The following RSPH14 variants were observed in gnomAD, a reference collection of about 807,000 sequenced individuals.
RSPH14 encodes rhabdoid tumor deletion region gene 1.
Under a neutral mutation model 26.7 loss-of-function variants are expected in RSPH14, and 20 were observed. That is an observed-to-expected ratio of 0.75 (90% confidence interval 0.53 to 1.09). The LOEUF (loss-of-function observed/expected upper bound fraction) is 1.09. Among genes scored for constraint, RSPH14 ranks in the 50% least tolerant of loss-of-function variants. The pLI, the probability that RSPH14 is intolerant of heterozygous loss-of-function variation, is 0.00. For missense variants in RSPH14, 449 were observed against 457.2 expected (o/e 0.98, Z 0.16); for synonymous variants, 177 against 189.3 (o/e 0.93, Z 0.53).
chr22:23,168,996 C>A, the RSPH14 span, among the ~76,000 whole-genome samples: 1 of 152,234 alleles, frequency 6.6e-6, no homozygotes, highest in Non-Finnish European at 1.5e-5. Flanking sequence ...ACGAGCTCAT[C>A]TTGTCCCAGC....
intron 4 of RSPH14, among the ~76,000 whole-genome samples, chr22:23,090,157 A>G (rs2068928267): frequency 6.6e-6 from 1 of 152,142 alleles, no homozygotes; most frequent in Non-Finnish European, 1.5e-5. Flanking sequence ...TAAGCACAGC[A>G]GGGTCCTGTA....
intron 4 of RSPH14, among the ~76,000 whole-genome samples, chr22:23,101,230 T>C (rs570471908): frequency 5.9e-5 from 9 of 151,324 alleles, no homozygotes; most frequent in Admixed American, 1.3e-4. Context: ...CTCAGAGAGG[T>C]TCCTTCACAT....
At chr22:23,079,577 G>A (rs1457604573) in intron 4 of RSPH14, among the ~76,000 whole-genome samples, 1 of 152,188 alleles carries the variant, frequency 6.6e-6, no homozygotes, top group African/African-American at 2.4e-5. Context: ...GAGCAAACAT[G>A]AGAAGGTTTC....
upstream of RSPH14, chr22:23,145,600 G>C: frequency 6.4e-7 from 1 of 1,558,548 alleles, no homozygotes; most frequent in Non-Finnish European, 8.7e-7. Flanking sequence ...ACCCAACCCC[G>C]TGCTGGCACA....
chr22:23,132,496 C>T (rs1359116280), intron 4 of RSPH14, among the ~76,000 whole-genome samples: 1 of 152,134 alleles, frequency 6.6e-6, no homozygotes, highest in Non-Finnish European at 1.5e-5. Flanking sequence ...TTCTTTATCC[C>T]TTAAATGTGT....
chr22:23,177,729 C>T, the RSPH14 span, among the ~76,000 whole-genome samples: 4 of 152,252 alleles, frequency 2.6e-5, no homozygotes, highest in South Asian at 6.2e-4. Context: ...ACTATCTGGA[C>T]GTGTCCTTGT....
intron 4 of RSPH14, among the ~76,000 whole-genome samples, chr22:23,119,728 G>A (rs187574485): frequency 7.2e-5 from 11 of 152,310 alleles, no homozygotes; most frequent in South Asian, 2.1e-4. Flanking sequence ...TGCTTCCCAC[G>A]CTCTGAAGCT....
chr22:23,146,193 G>A (rs1474198288), upstream of RSPH14, among the ~76,000 whole-genome samples: 1 of 152,176 alleles, frequency 6.6e-6, no homozygotes, highest in African/African-American at 2.4e-5. Context: ...CTGACAGAGA[G>A]GGAAGCCTGG....
At chr22:23,143,874 T>C (rs2070650109), upstream of RSPH14, among the ~76,000 whole-genome samples, 1 of 152,142 alleles carries the variant, frequency 6.6e-6, no homozygotes. Context: ...GCGGATCACA[T>C]GAGGCCAGGA....
At chr22:23,115,615 C>T (rs2069807649) in intron 4 of RSPH14, among the ~76,000 whole-genome samples, 1 of 152,154 alleles carries the variant, frequency 6.6e-6, no homozygotes, top group African/African-American at 2.4e-5. Context: ...GCCTCCCACA[C>T]CTCAGTGATG....
the RSPH14 span, chr22:23,156,035 G>A: frequency 1.2e-6 from 2 of 1,611,234 alleles, no homozygotes; most frequent in Non-Finnish European, 1.7e-6. Flanking sequence ...TGCCCAGGGT[G>A]AGCAACATGC....
upstream of RSPH14, among the ~76,000 whole-genome samples, chr22:23,149,485 C>A (rs2070982573): frequency 6.6e-6 from 1 of 152,192 alleles, no homozygotes; most frequent in Non-Finnish European, 1.5e-5. Flanking sequence ...CCTCCTAGGA[C>A]ATTTTCCAGG....
At chr22:23,129,116 GC>G (rs1451762718) in intron 4 of RSPH14, among the ~76,000 whole-genome samples, 3 of 152,012 alleles carry the variant, frequency 2.0e-5, no homozygotes, top group East Asian at 1.9e-4. Context: ...CACCCCCCAG[GC>G]CCCCCACCCA....
At chr22:23,128,613 T>A (rs2070239490) in intron 4 of RSPH14, among the ~76,000 whole-genome samples, 1 of 152,166 alleles carries the variant, frequency 6.6e-6, no homozygotes, top group South Asian at 2.1e-4. Flanking sequence ...TGCCCCCTCC[T>A]GGTTACTCTG....
intron 5 of RSPH14, 139 bp downstream of exon 5, chr22:23,063,763 G>C: frequency 1.3e-6 from 1 of 741,010 alleles, no homozygotes; most frequent in South Asian, 1.7e-5. Context: ...GTCATCCTCT[G>C]TCCCAGCTCC....
At chr22:23,164,227 A>G in the RSPH14 span, 3 of 152,236 alleles carry the variant, frequency 2.0e-5, no homozygotes, top group Non-Finnish European at 4.4e-5. Flanking sequence ...GGCCTCCAGG[A>G]TATGTTTGCG....
intron 4 of RSPH14, among the ~76,000 whole-genome samples, chr22:23,064,633 G>A (rs1453542551): frequency 1.3e-5 from 2 of 152,186 alleles, no homozygotes; most frequent in Non-Finnish European, 2.9e-5. Flanking sequence ...GCTTGGTTTT[G>A]ACTCTGAGAC....
intron 4 of RSPH14, among the ~76,000 whole-genome samples, chr22:23,066,973 G>A (rs180726126): frequency 1.6e-4 from 24 of 152,252 alleles, no homozygotes; most frequent in African/African-American, 5.8e-4. Flanking sequence ...GGAATTCCAG[G>A]GTCCTAGGGG....
At chr22:23,127,083 T>C (rs1216646629) in intron 4 of RSPH14, among the ~76,000 whole-genome samples, 2 of 152,210 alleles carry the variant, frequency 1.3e-5, no homozygotes, top group Non-Finnish European at 2.9e-5. Flanking sequence ...TGAGGGGCTT[T>C]ACTCTGTCCA....
Sources: gnomAD v4.1 joint callset for allele counts (sites outside exome capture counted in the v4.1 genomes callset) on GRCh38, gnomAD v4.1.1 for gene constraint, MANE v1.5 for transcripts, NCBI Gene and HGNC (gene_info 2026-07-23, HGNC 2026-07-21) for gene names.